Variants in ZNF529 observed in about 807,000 individuals in gnomAD.
ZNF529 encodes zinc finger protein 529.
A neutral mutation model predicts 10.1 loss-of-function variants in ZNF529; 11 were observed. The observed-to-expected ratio is 1.09, with a 90% CI of 0.69 to 1.81. The LOEUF is 1.81. ZNF529 is among the 40% of genes most tolerant of loss of function. The pLI, the probability that ZNF529 is intolerant of heterozygous loss-of-function variation, is 0.00. For missense variants in ZNF529, 624 were observed against 666.8 expected (o/e 0.94, Z 0.71); for synonymous variants, 204 against 215.7 (o/e 0.95, Z 0.47).
At chr19:36,579,611 A>G (rs1301058257) in intron 2 of ZNF529, among the ~76,000 whole-genome samples, 3 of 152,246 alleles carry the variant, frequency 2.0e-5, no homozygotes, top group South Asian at 4.1e-4. Context: ...GTAGGCATTT[A>G]TAACACAGTG....
chr19:36,545,971 T>G lies in ZNF529; in HGVS notation c.*895A>C, dbSNP rs2034993378. The G allele has an allele frequency of 6.6e-6, 1 of 151,406 alleles. No homozygotes were observed. The highest frequency in any genetic ancestry group is 1.5e-5 in the Non-Finnish European group (1 of 67,850). 9.4% of individuals were successfully genotyped at this position (151,406 alleles called of 1,614,324 possible). On this transcript the variant is annotated 3_prime_UTR_variant, in exon 5 of 5. Coordinates refer to ENST00000591340, the MANE Select transcript of ZNF529 (RefSeq NM_020951.5). ...AGACTGCTTAAAGGAACTGGTTATATTCCAATATAACACACATACACACTA... is the reference window on the plus strand; with the variant it reads ...AGACTGCTTAAAGGAACTGGTTATAGTCCAATATAACACACATACACACTA...
At chr19:36,574,461 C>T (rs933875701), upstream of ZNF529, among the ~76,000 whole-genome samples, 5 of 152,068 alleles carry the variant, frequency 3.3e-5, no homozygotes, top group African/African-American at 1.2e-4. Flanking sequence ...CCGCCCACCC[C>T]CGCCTTTCCA....
intron 4 of ZNF529, among the ~76,000 whole-genome samples, chr19:36,550,215 A>G (rs1220412153): frequency 6.6e-6 from 1 of 152,242 alleles, no homozygotes; most frequent in African/African-American, 2.4e-5. Context: ...CAGTATCAGT[A>G]AATCAAAAGA....
At chr19:36,592,189 G>C (rs981654760) in intron 1 of ZNF529, among the ~76,000 whole-genome samples, 1 of 151,026 alleles carries the variant, frequency 6.6e-6, no homozygotes, top group Non-Finnish European at 1.5e-5. Context: ...GGAGGCTGAG[G>C]TGGGAGGATC....
At chr19:36,560,953 G>T (rs995244553) in intron 2 of ZNF529, among the ~76,000 whole-genome samples, 9 of 152,184 alleles carry the variant, frequency 5.9e-5, no homozygotes, top group African/African-American at 2.2e-4. Flanking sequence ...AAATAAAAAG[G>T]TATTTAGGAA....
chr19:36,572,908 C>A (rs140300334), intron 1 of ZNF529, among the ~76,000 whole-genome samples: 5 of 129,428 alleles, frequency 3.9e-5, no homozygotes, highest in African/African-American at 6.6e-5. Flanking sequence ...CGGAAAAAAA[C>A]GAACAAACAA....
chr19:36,581,143 A>C (rs2036453945), intron 2 of ZNF529: 1 of 152,220 alleles, frequency 6.6e-6, no homozygotes, highest in East Asian at 1.9e-4. Context: ...ATGTACCTGA[A>C]CAGTCCCCAT....
chr19:36,598,102 G>C (rs896887356), intron 1 of ZNF529, among the ~76,000 whole-genome samples: 2 of 152,216 alleles, frequency 1.3e-5, no homozygotes, highest in Non-Finnish European at 2.9e-5. Flanking sequence ...TGCACAGCCA[G>C]TACAAGGAAT....
At chr19:36,596,352 G>A (rs1037244877) in intron 1 of ZNF529, among the ~76,000 whole-genome samples, 12 of 151,708 alleles carry the variant, frequency 7.9e-5, no homozygotes, top group African/African-American at 2.9e-4. Flanking sequence ...GATTACAGAC[G>A]TGAGCCACCG....
chr19:36,566,589 G>T (rs1434087717), intron 2 of ZNF529, among the ~76,000 whole-genome samples: 2 of 151,592 alleles, frequency 1.3e-5, no homozygotes, highest in African/African-American at 4.8e-5. Context: ...TTGGGGAGGT[G>T]GGGGGCGGGG....
At chr19:36,579,726 G>C (rs2036422001) in intron 2 of ZNF529, among the ~76,000 whole-genome samples, 1 of 152,194 alleles carries the variant, frequency 6.6e-6, no homozygotes, top group South Asian at 2.1e-4. Context: ...GAGCTTGTGG[G>C]ACTGAATTTC....
chr19:36,583,738 A>T (rs2036520905), intron 2 of ZNF529, among the ~76,000 whole-genome samples: 1 of 152,210 alleles, frequency 6.6e-6, no homozygotes. Flanking sequence ...TTAAAAAATA[A>T]CCAGAGAAAA....
intron 2 of ZNF529, among the ~76,000 whole-genome samples, chr19:36,564,851 C>T (rs2035838245): frequency 6.6e-6 from 1 of 152,118 alleles, no homozygotes; most frequent in Non-Finnish European, 1.5e-5. Context: ...ACCTAGGTGC[C>T]CCTCAACAGT....
chr19:36,556,224 AC>A, intron 2 of ZNF529, 27 bp from the exon 3 acceptor site: 2 of 868,070 alleles, frequency 2.3e-6, no homozygotes, highest in Non-Finnish European at 3.8e-6. Context: ...TTAAGAAAGA[AC>A]CACCATTAAA....
chr19:36,588,443 A>G (rs547547103), intron 2 of ZNF529, among the ~76,000 whole-genome samples: 35 of 152,238 alleles, frequency 2.3e-4, no homozygotes, highest in Admixed American at 7.8e-4. Context: ...GTAAAAGTGG[A>G]TAAGTATCTC....
chr19:36,545,947 G>C lies in ZNF529; in HGVS notation c.*919C>G, dbSNP rs1321748869. On this transcript the variant is annotated 3_prime_UTR_variant, in exon 5 of 5. Coordinates refer to ENST00000591340, the MANE Select transcript of ZNF529 (RefSeq NM_020951.5). Reference sequence around the variant, plus strand: ...GGTTGGTATAGCCTGCAGGTAAAAAGACTGCTTAAAGGAACTGGTTATATT... The same window carrying C: ...GGTTGGTATAGCCTGCAGGTAAAAACACTGCTTAAAGGAACTGGTTATATT... 6.6e-6 allele frequency: 1 copy of C among 151,292 alleles called. No homozygotes were observed. The highest frequency in any genetic ancestry group is 1.5e-5 in the Non-Finnish European group (1 of 67,852). The allele number at this position is 151,292 out of a possible 1,614,324, so 9.4% of individuals were successfully genotyped here.
rs1269525200 is a variant in ZNF529 at position 36,571,547 on chromosome 19, C to T, written c.14+786G>A. 2.6e-5 allele frequency among the ~76,000 whole-genome samples: 4 copies of T among 151,782 alleles called. No individual in the cohort carries two copies. In the South Asian group the frequency reaches 6.2e-4, roughly 24 times the overall value. On this transcript the variant is annotated intron_variant, in intron 2 of 4. Coordinates refer to ENST00000591340, the MANE Select transcript of ZNF529 (RefSeq NM_020951.5). ...AAAATTAGCCGGGCATGGTGGCGGGCGCCTGTAATCCCAGCTACTTGGGAG... is the reference window on the plus strand; with the variant it reads ...AAAATTAGCCGGGCATGGTGGCGGGTGCCTGTAATCCCAGCTACTTGGGAG...
At chr19:36,605,447 G>A (rs1263152634), upstream of ZNF529, 1 of 152,674 alleles carries the variant, frequency 6.5e-6, no homozygotes, top group East Asian at 1.9e-4. Flanking sequence ...GGCCAGGGAG[G>A]TAACCAAGAG....
Position 36,598,142 on chromosome 19 carries a change from G to A in ZNF529, c.-128+6984C>T, listed in dbSNP as rs1373841406. Among the ~76,000 whole-genome samples the A allele has an allele frequency of 1.3e-5, 2 of 152,218 alleles. 1 individual carries two copies. On this transcript the variant is annotated intron_variant, in intron 1 of 4. Coordinates refer to the ZNF529 transcript ENST00000585960. ...TGGGTAGGATTCAGCTTTGACTCTA[G>A]TAATAGCTGACTGGTTATGCATCCT... is the stretch of plus-strand genomic sequence containing the variant.
Sources: allele counts gnomAD v4.1 joint callset (sites outside exome capture counted in the v4.1 genomes callset), GRCh38; gene constraint gnomAD v4.1.1; transcripts MANE v1.5; gene names NCBI Gene and HGNC (gene_info 2026-07-23, HGNC 2026-07-21).